Variants in CREBL2 observed in about 807,000 individuals in gnomAD.
CREBL2 encodes cAMP responsive element binding protein like 2.
CREBL2 carries 4 observed loss-of-function variants against 19.5 expected under a neutral mutation model. That is an observed-to-expected ratio of 0.20 (90% CI 0.10 to 0.47). CREBL2 has a LOEUF of 0.47. CREBL2 is among the 20% of genes least tolerant of loss of function. CREBL2 has a pLI of 0.98. For synonymous variants in CREBL2, 42 were observed against 46.6 expected (o/e 0.90, Z 0.40); for missense variants, 85 against 145.1 (o/e 0.59, Z 2.13).
chr12:12,632,993 GC>G (rs1945452012), intron 1 of CREBL2, among the ~76,000 whole-genome samples: 1 of 150,910 alleles, frequency 6.6e-6, no homozygotes, highest in Non-Finnish European at 1.5e-5. Context: ...GAGTGCAGTG[GC>G]CCGATCTGGA....
chr12:12,626,654 A>C (rs1336683762), intron 1 of CREBL2, among the ~76,000 whole-genome samples: 1 of 152,224 alleles, frequency 6.6e-6, no homozygotes, highest in African/African-American at 2.4e-5. Context: ...TGCAATGATC[A>C]TCACTATCTA....
At chr12:12,635,736 A>G (rs1945470101) in intron 1 of CREBL2, 41 bp from the exon 2 acceptor site, 4 of 1,561,934 alleles carry the variant, frequency 2.6e-6, no homozygotes, top group Non-Finnish European at 2.6e-6. Context: ...TTCTGTACAC[A>G]GAACTAAGGA....
chr12:12,642,153 A>G lies in CREBL2; in HGVS notation c.*155A>G, dbSNP rs1035495420. 6.6e-6 allele frequency: 3 copies of G among 455,194 alleles called. No individual in the cohort carries two copies. Among genetic ancestry groups the G allele is most frequent in the African/African-American group, 2.0e-5 (1 of 49,292 alleles). The allele number at this position is 455,194 out of a possible 1,614,324, so 28.2% of individuals were successfully genotyped here. On this transcript the variant is annotated 3_prime_UTR_variant, in exon 4 of 4. Transcript: ENST00000228865. The stretch of plus-strand genomic sequence containing the variant: ...TTTCTACCAAAATGTGTGATCGTAG[A>G]TCTCAAAGGATCTTGCTTTAACTTT...
At chr12:12,621,337 A>G (rs1368511190) in intron 1 of CREBL2, among the ~76,000 whole-genome samples, 1 of 152,080 alleles carries the variant, frequency 6.6e-6, no homozygotes, top group Non-Finnish European at 1.5e-5. Flanking sequence ...TGACTAACAT[A>G]GAGAAACCCC....
intron 1 of CREBL2, among the ~76,000 whole-genome samples, chr12:12,633,176 A>C (rs925474033): frequency 2.0e-5 from 3 of 152,090 alleles, no homozygotes; most frequent in Admixed American, 2.0e-4. Flanking sequence ...ACCTCAGGTG[A>C]TCCACCTGCC....
chr12:12,615,178 T>C (rs1945300734), intron 1 of CREBL2, among the ~76,000 whole-genome samples: 1 of 151,904 alleles, frequency 6.6e-6, no homozygotes, highest in African/African-American at 2.4e-5. Context: ...CCACAACCGA[T>C]TAATTTTTGT....
At chr12:12,620,908 A>G (rs951463801) in intron 1 of CREBL2, among the ~76,000 whole-genome samples, 1 of 152,192 alleles carries the variant, frequency 6.6e-6, no homozygotes, top group Non-Finnish European at 1.5e-5. Context: ...CAATAGAGGC[A>G]AAGTTCTTTT....
At chr12:12,620,007 C>T (rs1436218424) in intron 1 of CREBL2, among the ~76,000 whole-genome samples, 1 of 152,028 alleles carries the variant, frequency 6.6e-6, no homozygotes, top group Non-Finnish European at 1.5e-5. Flanking sequence ...TTTAATTTGG[C>T]AAAAAAATCT....
intron 1 of CREBL2, among the ~76,000 whole-genome samples, chr12:12,632,933 A>G (rs982259913): frequency 3.3e-5 from 5 of 149,474 alleles, no homozygotes; most frequent in Non-Finnish European, 5.9e-5. Flanking sequence ...TTTATTTTTT[A>G]TTTTTTACTT....
Position 12,612,083 on chromosome 12 carries a change from T to A in CREBL2, c.-90T>A. 6.5e-7 allele frequency: 1 copy of A among 1,526,844 alleles called. No individual in the cohort carries two copies. The highest frequency in any genetic ancestry group is 9.0e-7 in the Non-Finnish European group (1 of 1,111,810). The allele number at this position is 1,526,844 out of a possible 1,614,324, so 94.6% of individuals were successfully genotyped here. On this transcript the variant is annotated 5_prime_UTR_variant, in exon 1 of 4. Transcript: ENST00000228865. ...GGAGGCAGCCAGAACCATATCCCCTTCTTCCTCGGGGCGGGGGCCGGGCCA... is the reference window on the plus strand; with the variant it reads ...GGAGGCAGCCAGAACCATATCCCCTACTTCCTCGGGGCGGGGGCCGGGCCA...
intron 1 of CREBL2, chr12:12,615,361 A>AT (rs35848844): frequency 0.81 from 113,801 of 140,926 alleles, 46,822 homozygotes; most frequent in Non-Finnish European, 0.92. Context: ...AACTTTTTGC[A>AT]TTTTTTTTTT....
At chr12:12,619,411 G>A (rs1010146500) in intron 1 of CREBL2, among the ~76,000 whole-genome samples, 3 of 152,150 alleles carry the variant, frequency 2.0e-5, no homozygotes, top group African/African-American at 7.2e-5. Context: ...TTCAAGATCA[G>A]CATGCGCAAC....
chr12:12,632,267 C>T (rs186744063), intron 1 of CREBL2, among the ~76,000 whole-genome samples: 1,613 of 151,066 alleles, frequency 0.011, 25 homozygotes, highest in African/African-American at 0.037. Context: ...TTAGTAGAGA[C>T]GGGGTTTCAC....
rs1327929400 is a variant in CREBL2 at position 12,644,297 on chromosome 12, A to G, written c.*2299A>G. 1 of 152,238 alleles carries G rather than the reference A, an allele frequency of 6.6e-6. No individual in the cohort carries two copies. Among genetic ancestry groups the G allele is most frequent in the African/African-American group, 2.4e-5 (1 of 41,462 alleles). 9.4% of individuals were successfully genotyped at this position (152,238 alleles called of 1,614,324 possible). A position where few individuals can be genotyped will look rare whatever the true frequency, so the allele number is the denominator to read the frequency against. ...CTTTGGTCACTTTTGAAGCATGTTA[A>G]TAAATGTCACTGATTAAAACAGCTG... is the stretch of plus-strand genomic sequence containing the variant. On this transcript the variant is annotated 3_prime_UTR_variant, in exon 4 of 4. Transcript: ENST00000228865.
chr12:12,627,007 T>C (rs941662475), intron 1 of CREBL2, among the ~76,000 whole-genome samples: 3 of 151,848 alleles, frequency 2.0e-5, no homozygotes, highest in Non-Finnish European at 4.4e-5. Flanking sequence ...ACTGTAGAGA[T>C]AGTAAAAAGT....
At chr12:12,633,063 A>G (rs1219255847) in intron 1 of CREBL2, among the ~76,000 whole-genome samples, 3 of 151,126 alleles carry the variant, frequency 2.0e-5, no homozygotes, top group Admixed American at 1.3e-4. Context: ...CCTCCTCCCA[A>G]GTAGCTGGGA....
chr12:12,620,706 T>G (rs1456086062), intron 1 of CREBL2, among the ~76,000 whole-genome samples: 3 of 152,234 alleles, frequency 2.0e-5, no homozygotes, highest in Admixed American at 2.0e-4. Flanking sequence ...TTTGTCCTCT[T>G]AAGATTTTCA....
chr12:12,632,045 T>G (rs1241957839), intron 1 of CREBL2, among the ~76,000 whole-genome samples: 1 of 149,628 alleles, frequency 6.7e-6, no homozygotes, highest in Non-Finnish European at 1.5e-5. Context: ...TACAGAAACC[T>G]TGGATTCATA....
intron 3 of CREBL2, among the ~76,000 whole-genome samples, chr12:12,640,079 T>C (rs1457043662): frequency 6.6e-6 from 1 of 152,166 alleles, no homozygotes; most frequent in Non-Finnish European, 1.5e-5. Flanking sequence ...AGTGCACATA[T>C]TGTCTTGATA....
Sources: allele counts gnomAD v4.1 joint callset (sites outside exome capture counted in the v4.1 genomes callset), GRCh38; gene constraint gnomAD v4.1.1; transcripts MANE v1.5; gene names NCBI Gene and HGNC (gene_info 2026-07-23, HGNC 2026-07-21).